Variants in CHEK2 observed in about 807,000 individuals in gnomAD.
CHEK2 encodes the protein checkpoint kinase 2, also known as serine/threonine-protein kinase Chk2.
Under a neutral mutation model 69.1 loss-of-function variants are expected in CHEK2, and 71 were observed. The ratio of observed to expected loss-of-function variants is 1.03; its 90% CI spans 0.85 to 1.25. CHEK2 has a LOEUF of 1.25. CHEK2 is among the 50% of genes most tolerant of loss of function. The pLI, the probability that CHEK2 is intolerant of heterozygous loss-of-function variation, is 0.00. For missense variants in CHEK2, 664 were observed against 649.6 expected (o/e 1.02, Z -0.24); for synonymous variants, 189 against 226.9 (o/e 0.83, Z 1.50).
intron 2 of CHEK2, 76 bp from the exon 3 acceptor site, chr22:28,725,443 A>C: frequency 6.5e-7 from 1 of 1,549,592 alleles, no homozygotes; most frequent in Non-Finnish European, 8.9e-7. Context: ...CATAAATGCT[A>C]ATTGTAGGAA....
intron 5 of CHEK2, chr22:28,712,285 CAG>C (rs1474931211): frequency 2.2e-6 from 1 of 456,174 alleles, no homozygotes; most frequent in African/African-American, 2.0e-5. Context: ...GTGAAATTCC[CAG>C]AAAGATACTA....
At chr22:28,725,570 T>C (rs2053974436) in intron 2 of CHEK2, among the ~76,000 whole-genome samples, 1 of 152,186 alleles carries the variant, frequency 6.6e-6, no homozygotes, top group South Asian at 2.1e-4. Context: ...AGTTTATCTA[T>C]AACCACATGG....
intron 2 of CHEK2, 103 bp from the exon 3 acceptor site, chr22:28,725,470 A>C (rs2053972433): frequency 7.5e-7 from 1 of 1,324,516 alleles, no homozygotes. Flanking sequence ...CTAAGAAGGC[A>C]ATCAGAATTA....
At chr22:28,703,045 C>T (rs1449281941) in intron 8 of CHEK2, among the ~76,000 whole-genome samples, 8 of 152,128 alleles carry the variant, frequency 5.3e-5, no homozygotes, top group Non-Finnish European at 8.8e-5. Flanking sequence ...GATGTAAAAA[C>T]CCACAGTTAT....
chr22:28,740,132 C>G (rs867473513), intron 1 of CHEK2, among the ~76,000 whole-genome samples: 1 of 152,076 alleles, frequency 6.6e-6, no homozygotes, highest in Non-Finnish European at 1.5e-5. Flanking sequence ...ACCAGGGAGT[C>G]GGAGGTTGCA....
chr22:28,703,401 T>C (rs2052966511), intron 8 of CHEK2, 104 bp downstream of exon 8: 1 of 714,544 alleles, frequency 1.4e-6, no homozygotes, highest in Admixed American at 2.2e-5. Flanking sequence ...CATACATACG[T>C]TGAGGCCCCC....
At chr22:28,713,963 G>A (rs1329759976) in intron 5 of CHEK2, among the ~76,000 whole-genome samples, 1 of 152,220 alleles carries the variant, frequency 6.6e-6, no homozygotes, top group East Asian at 1.9e-4. Context: ...TTAGAGGCGT[G>A]AGCCACCGTG....
chr22:28,708,363 A>ATGTG (rs10694007), intron 7 of CHEK2, among the ~76,000 whole-genome samples: 3,732 of 139,694 alleles, frequency 0.027, 99 homozygotes, highest in African/African-American at 0.065. Context: ...CTCTAAAAAT[A>ATGTG]TGTGTGTGTG....
At position 28,693,901 on chromosome 22, in the gene CHEK2, C is replaced by A. The variant is rs139885343; in HGVS notation, c.1461+131G>T. ...AGGTTGTAACCCATCCTCCAAGATA[C>A]CCCCCATACATCTAAAACAATTAGA... On this transcript the variant is annotated intron_variant, in intron 13 of 14. Coordinates refer to ENST00000404276, the MANE Select transcript of CHEK2 (RefSeq NM_007194.4). The A allele has an allele frequency of 2.9e-5, 21 of 736,070 alleles. No homozygotes were observed. In the East Asian group the frequency reaches 4.9e-4, roughly 17 times the overall value. The allele number at this position is 736,070 out of a possible 1,614,324, so 45.6% of individuals were successfully genotyped here. A position where few individuals can be genotyped will look rare whatever the true frequency, so the allele number is the denominator to read the frequency against.
intron 4 of CHEK2, chr22:28,721,573 C>A: frequency 2.2e-6 from 1 of 449,682 alleles, no homozygotes; most frequent in Non-Finnish European, 4.6e-6. Flanking sequence ...AGACGTGAGC[C>A]ACCGCGCCCC....
intron 5 of CHEK2, among the ~76,000 whole-genome samples, chr22:28,719,053 C>T (rs1393973832): frequency 6.6e-6 from 1 of 152,018 alleles, no homozygotes; most frequent in Non-Finnish European, 1.5e-5. Flanking sequence ...ACAGCGCAAC[C>T]CCAACTCTAA....
chr22:28,736,376 C>A (rs17882867), intron 1 of CHEK2, among the ~76,000 whole-genome samples: 1,892 of 152,294 alleles, frequency 0.012, 40 homozygotes, highest in East Asian at 0.077. Context: ...CCCAGGCTTG[C>A]TCCTAAAGTG....
At chr22:28,704,576 A>G (rs1972202) in intron 7 of CHEK2, among the ~76,000 whole-genome samples, 91,328 of 151,882 alleles carry the variant, frequency 0.6, 28,469 homozygotes, top group South Asian at 0.78. Flanking sequence ...CAAGTGATCC[A>G]CCCACCTCAG....
intron 4 of CHEK2, among the ~76,000 whole-genome samples, chr22:28,723,726 CTGCT>C (rs1465480921): frequency 6.6e-6 from 1 of 151,550 alleles, no homozygotes; most frequent in Non-Finnish European, 1.5e-5. Flanking sequence ...GGCAGACTGA[CTGCT>C]TGAGCTCAGA....
At chr22:28,697,742 CTTCT>C (rs769987919) in intron 9 of CHEK2, among the ~76,000 whole-genome samples, 2 of 151,864 alleles carry the variant, frequency 1.3e-5, no homozygotes, top group African/African-American at 2.4e-5. Context: ...AACCAGCTAA[CTTCT>C]TTATTTTTTT....
At chr22:28,739,216 C>T (rs1458703402) in intron 1 of CHEK2, among the ~76,000 whole-genome samples, 2 of 151,964 alleles carry the variant, frequency 1.3e-5, no homozygotes, top group Admixed American at 1.3e-4. Flanking sequence ...ACGGAGGTTG[C>T]AGTGAGCCGA....
chr22:28,702,164 TGTG>T (rs2052891127), intron 8 of CHEK2, among the ~76,000 whole-genome samples: 1 of 151,342 alleles, frequency 6.6e-6, no homozygotes, highest in Admixed American at 6.6e-5. Context: ...TGTGTGTGTG[TGTG>T]TGTGTTTTGT....
Position 28,707,830 on chromosome 22 carries a change from C to CTTTT in CHEK2, c.846+2172_846+2175dup, listed in dbSNP as rs11453597. On this transcript the variant is annotated intron_variant, in intron 7 of 14. Coordinates refer to ENST00000404276, the MANE Select transcript of CHEK2 (RefSeq NM_007194.4). The stretch of plus-strand genomic sequence containing the variant: ...AAATTCCCTGAGCATTTGTGTTTAT[C>CTTTT]TTTTTTTTTTTTTTTTTTTTTTGTG... Among the ~76,000 whole-genome samples, 534 of 102,400 alleles carry CTTTT rather than the reference C, an allele frequency of 5.2e-3. 1 individual carries two copies. The highest frequency in any genetic ancestry group is 7.5e-3 in the Middle Eastern group (1 of 134). The allele number at this position is 102,400 out of a possible 152,430, so 67.2% of individuals were successfully genotyped here. A position where few individuals can be genotyped will look rare whatever the true frequency, so the allele number is the denominator to read the frequency against.
chr22:28,736,126 T>C (rs975345898), intron 1 of CHEK2, among the ~76,000 whole-genome samples: 26 of 152,334 alleles, frequency 1.7e-4, no homozygotes, highest in Non-Finnish European at 2.8e-4. Context: ...GGCTAAACTA[T>C]GACGTTTGGT....
Sources: gnomAD v4.1 joint callset for allele counts (sites outside exome capture counted in the v4.1 genomes callset) on GRCh38, gnomAD v4.1.1 for gene constraint, MANE v1.5 for transcripts, NCBI Gene and HGNC (gene_info 2026-07-23, HGNC 2026-07-21) for gene names.